CSMD1: variants seen among roughly 807,000 people sequenced by gnomAD.
CSMD1 encodes the protein CUB and Sushi multiple domains 1.
A neutral mutation model predicts 417.5 loss-of-function variants in CSMD1; 213 were observed. That is an observed-to-expected ratio of 0.51 (90% CI 0.46 to 0.57). The LOEUF (loss-of-function observed/expected upper bound fraction) is 0.57. Ranked by LOEUF, CSMD1 falls within the 20% of genes least tolerant of loss-of-function variation. The pLI, the probability that CSMD1 is intolerant of heterozygous loss-of-function variation, is 0.00. For synonymous variants in CSMD1, 2,862 were observed against 1,736.8 expected, an observed-to-expected ratio of 1.65 and a Z score of -16.11; for missense variants, 6,923 against 4,529.7, an observed-to-expected ratio of 1.53 and a Z score of -15.17.
chr8:3,012,090 T>G lies in CSMD1; in HGVS notation c.8029+6387A>C, dbSNP rs147250688. Among the ~76,000 whole-genome samples the G allele has an allele frequency of 1.3e-3, 196 of 152,302 alleles. 2 individuals are homozygous for G. The highest frequency in any genetic ancestry group is 4.5e-3 in the African/African-American group (187 of 41,562). On this transcript the variant is annotated intron_variant, in intron 52 of 69. Coordinates refer to ENST00000635120, the MANE Select transcript of CSMD1 (RefSeq NM_033225.6). ...AACTCTGAACTCTGGGAGATCCCAG[T>G]AATAACGCAGGAGTGATCGTGTTGA...
chr8:3,675,489 C>T (rs191375874), intron 7 of CSMD1, among the ~76,000 whole-genome samples: 131 of 152,190 alleles, frequency 8.6e-4, no homozygotes, highest in Non-Finnish European at 1.2e-4. Context: ...TATTTGTGTC[C>T]CACCAAAATT....
At chr8:3,908,394 A>G (rs901417089) in intron 5 of CSMD1, among the ~76,000 whole-genome samples, 10 of 152,176 alleles carry the variant, frequency 6.6e-5, no homozygotes, top group African/African-American at 2.4e-4. Flanking sequence ...GAATCTGATA[A>G]ATTTGCATCA....
intron 41 of CSMD1, among the ~76,000 whole-genome samples, chr8:3,120,293 G>C (rs754383566): frequency 6.6e-6 from 1 of 152,106 alleles, no homozygotes; most frequent in African/African-American, 2.4e-5. Flanking sequence ...ATATGAATCA[G>C]TCTGTGTTTT....
At chr8:3,993,408 AGTTGG>A in intron 5 of CSMD1, among the ~76,000 whole-genome samples, 1 of 152,326 alleles carries the variant, frequency 6.6e-6, no homozygotes, top group African/African-American at 2.4e-5. Context: ...TTAAGTGACA[AGTTGG>A]GTAAACACTG....
At chr8:3,928,323 T>A (rs1263741773) in intron 5 of CSMD1, among the ~76,000 whole-genome samples, 1 of 152,188 alleles carries the variant, frequency 6.6e-6, no homozygotes, top group Non-Finnish European at 1.5e-5. Flanking sequence ...TTTCTTTTAA[T>A]TGCCAGGACT....
At chr8:3,108,114 C>T (rs1281680782) in intron 44 of CSMD1, among the ~76,000 whole-genome samples, 2 of 152,170 alleles carry the variant, frequency 1.3e-5, no homozygotes, top group Non-Finnish European at 2.9e-5. Context: ...GCTCCCTGTC[C>T]ATGTGCAGAT....
intron 48 of CSMD1, among the ~76,000 whole-genome samples, chr8:3,088,004 G>C (rs1264949859): frequency 3.9e-5 from 6 of 152,170 alleles, no homozygotes; most frequent in African/African-American, 1.4e-4. Context: ...CTTCTGGACT[G>C]TACAATGATG....
chr8:4,531,878 G>C (rs985886293), intron 2 of CSMD1, among the ~76,000 whole-genome samples: 1 of 151,774 alleles, frequency 6.6e-6, no homozygotes, highest in Non-Finnish European at 1.5e-5. Flanking sequence ...CTCCGGAAGA[G>C]AAATCCTGCA....
At chr8:3,296,201 A>G (rs372592203) in intron 25 of CSMD1, among the ~76,000 whole-genome samples, 1 of 152,050 alleles carries the variant, frequency 6.6e-6, no homozygotes, top group Non-Finnish European at 1.5e-5. Flanking sequence ...AGGCTAAGCC[A>G]TCTTGGCAGA....
At chr8:4,243,721 G>C (rs893623853) in intron 3 of CSMD1, among the ~76,000 whole-genome samples, 1 of 151,936 alleles carries the variant, frequency 6.6e-6, no homozygotes, top group African/African-American at 2.4e-5. Context: ...TCCATAATCT[G>C]AGTCCACAAA....
At chr8:4,423,711 A>T (rs1205116316) in intron 2 of CSMD1, among the ~76,000 whole-genome samples, 2 of 149,266 alleles carry the variant, frequency 1.3e-5, no homozygotes, top group Non-Finnish European at 3.0e-5. Context: ...ATCTTTCTAA[A>T]ATTTATGTGG....
At chr8:4,807,664 G>A (rs1293843484) in intron 1 of CSMD1, among the ~76,000 whole-genome samples, 7 of 152,084 alleles carry the variant, frequency 4.6e-5, no homozygotes, top group African/African-American at 7.2e-5. Flanking sequence ...ACATGCACAC[G>A]TACATACATG....
chr8:4,983,176 C>A (rs1215241645), intron 1 of CSMD1, among the ~76,000 whole-genome samples: 1 of 152,116 alleles, frequency 6.6e-6, no homozygotes, highest in Non-Finnish European at 1.5e-5. Context: ...TATAGGGTTT[C>A]AAAGCTAATT....
At chr8:4,853,986 A>C (rs960817544) in intron 1 of CSMD1, among the ~76,000 whole-genome samples, 2 of 152,160 alleles carry the variant, frequency 1.3e-5, no homozygotes, top group African/African-American at 4.8e-5. Context: ...TGGTATGAGA[A>C]TATTTACCTA....
chr8:4,912,656 G>C (rs1313791197), intron 1 of CSMD1, among the ~76,000 whole-genome samples: 1 of 152,158 alleles, frequency 6.6e-6, no homozygotes, highest in South Asian at 2.1e-4. Context: ...ATGTAGGTCA[G>C]GAACCAAAGA....
chr8:3,343,571 A>G, intron 22 of CSMD1, 121 bp from the exon 23 acceptor site: 1 of 810,370 alleles, frequency 1.2e-6, no homozygotes, highest in Non-Finnish European at 1.9e-6. Flanking sequence ...AAAGGCATAT[A>G]GTTTACAGAA....
chr8:4,682,112 G>C (rs1030768252), intron 1 of CSMD1, among the ~76,000 whole-genome samples: 1 of 152,108 alleles, frequency 6.6e-6, no homozygotes, highest in Non-Finnish European at 1.5e-5. Flanking sequence ...TCCGCCTCCT[G>C]GGCTCAAGCA....
intron 1 of CSMD1, among the ~76,000 whole-genome samples, chr8:4,915,633 C>T (rs546404292): frequency 6.6e-6 from 1 of 152,314 alleles, no homozygotes; most frequent in African/African-American, 2.4e-5. Context: ...TAGCAGTTCC[C>T]AACCTTCACA....
chr8:4,300,182 T>C (rs1797904583), intron 3 of CSMD1, among the ~76,000 whole-genome samples: 1 of 152,198 alleles, frequency 6.6e-6, no homozygotes, highest in Non-Finnish European at 1.5e-5. Flanking sequence ...GACAATTTCC[T>C]TTTTGCCTAT....
Sources: gnomAD v4.1 joint callset for allele counts (sites outside exome capture counted in the v4.1 genomes callset) on GRCh38, gnomAD v4.1.1 for gene constraint, MANE v1.5 for transcripts, NCBI Gene and HGNC (gene_info 2026-07-23, HGNC 2026-07-21) for gene names.